The following RCCD1 variants were observed in gnomAD, a reference collection of about 807,000 sequenced individuals.
RCCD1 encodes RCC1 domain containing 1, also known as RCC1 domain-containing protein 1.
RCCD1 carries 40 observed loss-of-function variants against 37.6 expected under a neutral mutation model. The ratio of observed to expected loss-of-function variants is 1.06; its 90% CI spans 0.83 to 1.39. The LOEUF is 1.39. Ranked by LOEUF, RCCD1 falls within the 40% of genes most tolerant of loss-of-function variation. The probability of loss-of-function intolerance (pLI) is 0.00; values close to 1 mark genes in which losing one functional copy is unlikely to be tolerated. For synonymous variants in RCCD1, 263 were observed against 230.0 expected (o/e 1.14, Z -1.30); for missense variants, 577 against 517.3 (o/e 1.12, Z -1.12).
intron 6 of RCCD1, 105 bp from the exon 7 acceptor site, chr15:90,960,920 C>T: frequency 9.5e-7 from 1 of 1,049,474 alleles, no homozygotes; most frequent in Non-Finnish European, 1.5e-6. Flanking sequence ...AGGCAGATCT[C>T]ATGAGGATTG....
At position 90,962,593 on chromosome 15, in the gene RCCD1, T is replaced by C. The variant is rs567237213; in HGVS notation, c.*824T>C. On this transcript the variant is annotated 3_prime_UTR_variant, in exon 8 of 8. Coordinates refer to ENST00000394258, the MANE Select transcript of RCCD1 (RefSeq NM_001017919.2). ...TGGATACTGATGAGGTTGAGTAGCT[T>C]TTCATTTGTTTTGGATGGCTGGGCA... is the stretch of plus-strand genomic sequence containing the variant. 40 of 152,254 alleles carry C rather than the reference T, an allele frequency of 2.6e-4. No homozygotes were observed. The highest frequency in any genetic ancestry group is 9.6e-4 in the African/African-American group (40 of 41,538). 9.4% of individuals were successfully genotyped at this position (152,254 alleles called of 1,614,324 possible).
chr15:90,960,518 A>C lies in RCCD1; in HGVS notation c.949+20A>C. 3.1e-6 allele frequency: 5 copies of C among 1,593,032 alleles called. No individual in the cohort carries two copies. Among genetic ancestry groups the C allele is most frequent in the Non-Finnish European group, 4.3e-6 (5 of 1,173,242 alleles). ...TGACACGTGAGTGGGGCTGGGAGGC[A>C]CTCTGCTCCACTCGAGCTGGTGCCT... On this transcript the variant is annotated intron_variant, in intron 6 of 7. Transcript: ENST00000394258.
intron 6 of RCCD1, 114 bp downstream of exon 6, chr15:90,960,612 C>T (rs2037296053): frequency 1.0e-6 from 1 of 999,326 alleles, no homozygotes; most frequent in Non-Finnish European, 1.4e-6. Flanking sequence ...AGAGCAGCTA[C>T]CTTGCTCAGT....
intron 7 of RCCD1, chr15:90,961,347 A>G: frequency 1.7e-6 from 1 of 581,270 alleles, no homozygotes; most frequent in East Asian, 2.8e-5. Flanking sequence ...TGGATGTGAC[A>G]CTGGGTGGAG....
At chr15:90,956,158 T>C (rs1424885869) in intron 1 of RCCD1, among the ~76,000 whole-genome samples, 1 of 152,230 alleles carries the variant, frequency 6.6e-6, no homozygotes, top group African/African-American at 2.4e-5. Context: ...GCAGAGGCAC[T>C]GCCTCCCAAA....
chr15:90,958,937 A>T (rs1430094466), intron 4 of RCCD1, among the ~76,000 whole-genome samples: 2 of 39,744 alleles, frequency 5.0e-5, no homozygotes, highest in African/African-American at 6.6e-4. Flanking sequence ...CTGTCTGTCT[A>T]AAAAAAAAAA....
rs1304791703 is a variant in RCCD1 at position 90,957,467 on chromosome 15, A to T, written c.521A>T (p.Asp174Val). 4 of 1,543,846 alleles carry T rather than the reference A, an allele frequency of 2.6e-6. No homozygotes were observed. The South Asian group carries it at 4.7e-5, about 18-fold the overall frequency. ...ELGAEHALLL[D>V]AAGQVFSWGG... The stretch of plus-strand genomic sequence containing the variant: ...GGCGCCGAGCACGCGTTGCTGCTGG[A>T]CGCTGCTGGCCAGGTGTTCTCCTGG... Residue 174 changes from aspartate (D) to valine (V), a missense_variant, in exon 3 of 8, where the codon GAC becomes GTC. Coordinates refer to ENST00000394258, the MANE Select transcript of RCCD1 (RefSeq NM_001017919.2).
intron 4 of RCCD1, among the ~76,000 whole-genome samples, chr15:90,958,936 T>TAAA (rs3036308): frequency 9.3e-6 from 1 of 107,760 alleles, no homozygotes; most frequent in Non-Finnish European, 2.1e-5. Context: ...TCTGTCTGTC[T>TAAA]AAAAAAAAAA....
rs993841968 is a variant in RCCD1 at position 90,961,050 on chromosome 15, C to CTG, written c.976_977dup (p.Trp326CysfsTer26). The CTG allele has an allele frequency of 5.6e-6, 9 of 1,613,490 alleles. No homozygotes were observed. The highest frequency in any genetic ancestry group is 7.6e-6 in the Non-Finnish European group (9 of 1,179,888). The stretch of plus-strand genomic sequence containing the variant: ...GAACAGGGGAGCTCTACACCTGGGG[C>CTG]TGGGGTAAGTAAAAGGATTGTTTTT... On this transcript the variant is annotated frameshift_variant, in exon 7 of 8. Transcript: ENST00000394258. LOFTEE classifies it high-confidence loss of function.
chr15:90,956,985 C>T, intron 2 of RCCD1, 85 bp downstream of exon 2: 1 of 1,283,732 alleles, frequency 7.8e-7, no homozygotes, highest in Non-Finnish European at 9.9e-7. Flanking sequence ...TCCAGTTTGT[C>T]TCCCCCGTTC....
chr15:90,958,483 C>T (rs1331016913), intron 4 of RCCD1, among the ~76,000 whole-genome samples: 1 of 151,966 alleles, frequency 6.6e-6, no homozygotes, highest in Non-Finnish European at 1.5e-5. Flanking sequence ...CAAAAATTAG[C>T]TGGGTGCAGT....
chr15:90,961,331 T>C lies in RCCD1; in HGVS notation c.979+277T>C, dbSNP rs984249641. On this transcript the variant is annotated intron_variant, in intron 7 of 7. Transcript: ENST00000394258. ...ATCCAACCAGCACTTACAAAGCAGCTTTTTGTGGATGTGACACTGGGTGGA... is the reference window on the plus strand; with the variant it reads ...ATCCAACCAGCACTTACAAAGCAGCCTTTTGTGGATGTGACACTGGGTGGA... 15 of 582,164 alleles carry C rather than the reference T, an allele frequency of 2.6e-5. No individual in the cohort carries two copies. In the East Asian group the frequency reaches 4.3e-4, roughly 17 times the overall value. The allele number at this position is 582,164 out of a possible 1,614,324, so 36.1% of individuals were successfully genotyped here.
Position 90,956,657 on chromosome 15 carries a change from C to T in RCCD1, c.-78C>T. 8.3e-7 allele frequency: 1 copy of T among 1,198,966 alleles called. No individual in the cohort carries two copies. The highest frequency in any genetic ancestry group is 1.0e-6 in the Non-Finnish European group (1 of 956,102). The allele number at this position is 1,198,966 out of a possible 1,614,324, so 74.3% of individuals were successfully genotyped here. A position where few individuals can be genotyped will look rare whatever the true frequency, so the allele number is the denominator to read the frequency against. ...GGAAGGCCAGAGACTTGCCAGTGTC[C>T]CACTAGCGGGCTCTTCGCAAGAATC... On this transcript the variant is annotated 5_prime_UTR_variant, in exon 2 of 8. Transcript: ENST00000394258.
In RCCD1 at chr15:90,961,995, CAATG is replaced by C. The variant is rs2037325536; in HGVS notation, c.*229_*232del. The C allele has an allele frequency of 1.5e-5, 5 of 341,202 alleles. No homozygotes were observed. The highest frequency in any genetic ancestry group is 7.9e-4 in the Middle Eastern group (1 of 1,262). 21.1% of individuals were successfully genotyped at this position (341,202 alleles called of 1,614,324 possible). On this transcript the variant is annotated 3_prime_UTR_variant, in exon 8 of 8. Transcript: ENST00000394258. Reference sequence around the variant, plus strand: ...AATCAAAACAATGAAATCAATGAAACAATGAAACCAGAGCTTCTAGGTGTGTGGC... The same window carrying C: ...AATCAAAACAATGAAATCAATGAAACAAACCAGAGCTTCTAGGTGTGTGGC...
intron 6 of RCCD1, 93 bp downstream of exon 6, chr15:90,960,591 G>C: frequency 8.0e-7 from 1 of 1,254,636 alleles, no homozygotes; most frequent in Non-Finnish European, 1.1e-6. Context: ...TAAGGCTTCT[G>C]TGGCTCATAC....
chr15:90,959,832 G>C (rs2037277071), intron 4 of RCCD1, 68 bp from the exon 5 acceptor site: 2 of 1,245,932 alleles, frequency 1.6e-6, no homozygotes, highest in Admixed American at 1.9e-5. Flanking sequence ...GGATGCGATG[G>C]GGAGGAGAGT....
rs1426069970 is a variant in RCCD1 at position 90,961,020 on chromosome 15, T to G, written c.950-5T>G. 6.2e-7 allele frequency: 1 copy of G among 1,613,384 alleles called. No homozygotes were observed. On this transcript the variant is annotated splice_region_variant and splice_polypyrimidine_tract_variant and intron_variant, in intron 6 of 7. Coordinates refer to ENST00000394258, the MANE Select transcript of RCCD1 (RefSeq NM_001017919.2). ...GACAACTATCGATTGTCCTTTTGCT[T>G]TCAGGAACAGGGGAGCTCTACACCT...
intron 4 of RCCD1, 70 bp from the exon 5 acceptor site, chr15:90,959,830 T>G: frequency 2.5e-6 from 3 of 1,211,704 alleles, no homozygotes; most frequent in Non-Finnish European, 3.6e-6. Flanking sequence ...GCGGATGCGA[T>G]GGGGAGGAGA....
rs776268289 is a variant in RCCD1, at chr15:90,957,593, C to T, written c.558-11C>T. ...ATGCGACTGTAGCTGACGACGGTCT[C>T]CCTTGCTCAGGCATGGACAGCTGGG... On this transcript the variant is annotated splice_polypyrimidine_tract_variant and intron_variant, in intron 3 of 7. Coordinates refer to ENST00000394258, the MANE Select transcript of RCCD1 (RefSeq NM_001017919.2). 2.5e-6 allele frequency: 4 copies of T among 1,614,020 alleles called. No individual in the cohort carries two copies. The highest frequency in any genetic ancestry group is 2.5e-6 in the Non-Finnish European group (3 of 1,180,018).
Sources: allele counts gnomAD v4.1 joint callset (sites outside exome capture counted in the v4.1 genomes callset), GRCh38; gene constraint gnomAD v4.1.1; transcripts MANE v1.5; gene names NCBI Gene and HGNC (gene_info 2026-07-23, HGNC 2026-07-21).